The following CCDC150 variants were observed in gnomAD, a reference collection of about 807,000 sequenced individuals.
The protein encoded by CCDC150 is coiled-coil domain containing 150.
In CCDC150, 151 loss-of-function variants were observed where a neutral mutation model predicts 156.5. The ratio of observed to expected loss-of-function variants is 0.97; its 90% CI spans 0.85 to 1.10. The LOEUF (loss-of-function observed/expected upper bound fraction) is 1.10, where lower values mean the gene tolerates loss of function less well. Ranked by LOEUF, CCDC150 falls within the 50% of genes least tolerant of loss-of-function variation. The probability of loss-of-function intolerance (pLI) is 0.00; values close to 1 mark genes in which losing one functional copy is unlikely to be tolerated. For missense variants in CCDC150, 1,312 were observed against 1,268.1 expected, an observed-to-expected ratio of 1.03 and a Z score of -0.53; for synonymous variants, 452 against 429.4, an observed-to-expected ratio of 1.05 and a Z score of -0.65.
rs900893560 is a variant in CCDC150, at chr2:196,672,436, A to G, written c.1028A>G (p.Gln343Arg). The part of the protein sequence containing the change: ...MSLHEASEKA[Q>R]VLNDQLTKKC... Reference sequence around the variant, plus strand: ...CTTCATGAAGCATCAGAAAAAGCACAAGTAAATGCTCATGATTTTGTTAGT... The same window carrying G: ...CTTCATGAAGCATCAGAAAAAGCACGAGTAAATGCTCATGATTTTGTTAGT... The change falls in exon 9 of 28, where the codon CAA becomes CGA. Residue 343 changes from glutamine (Q) to arginine (R), a missense_variant and splice_region_variant. Coordinates refer to ENST00000389175, the MANE Select transcript of CCDC150 (RefSeq NM_001080539.2). 1 of 1,463,908 alleles carries G rather than the reference A, an allele frequency of 6.8e-7. No homozygotes were observed. Among genetic ancestry groups the G allele is most frequent in the East Asian group, 2.6e-5 (1 of 38,906 alleles). The allele number at this position is 1,463,908 out of a possible 1,614,324, so 90.7% of individuals were successfully genotyped here.
At chr2:196,640,660 G>T (rs144833778) in intron 1 of CCDC150, among the ~76,000 whole-genome samples, 1 of 152,216 alleles carries the variant, frequency 6.6e-6, no homozygotes, top group Non-Finnish European at 1.5e-5. Context: ...CAAAAACCCT[G>T]TAGTAATCTT....
chr2:196,722,889 A>C (rs577204703), intron 21 of CCDC150, among the ~76,000 whole-genome samples: 21 of 152,310 alleles, frequency 1.4e-4, no homozygotes, highest in African/African-American at 5.1e-4. Flanking sequence ...GGAAAAAAAA[A>C]ATGATTAGGT....
intron 13 of CCDC150, among the ~76,000 whole-genome samples, chr2:196,689,745 C>G (rs931959984): frequency 6.6e-6 from 1 of 152,152 alleles, no homozygotes; most frequent in South Asian, 2.1e-4. Flanking sequence ...ATTTCCTTCT[C>G]CTGCCTAATT....
chr2:196,658,799 C>A lies in CCDC150; in HGVS notation c.584C>A (p.Ala195Glu). ...TTCTCCTTCTACTTTTAGAAGAATG[C>A]AGCCATTATTGAAGAGGAACTGAAG... Reference protein sequence around the residue: ...LKIASQTKKNAAIIEEELKTT... With the variant: ...LKIASQTKKNEAIIEEELKTT... The change falls in exon 5 of 28, where the codon GCA becomes GAA. Residue 195 changes from alanine (A) to glutamate (E), a missense_variant. Coordinates refer to ENST00000389175, the MANE Select transcript of CCDC150 (RefSeq NM_001080539.2). 6.3e-7 allele frequency: 1 copy of A among 1,599,802 alleles called. No individual in the cohort carries two copies. Among genetic ancestry groups the A allele is most frequent in the South Asian group, 1.1e-5 (1 of 88,538 alleles).
In CCDC150 at chr2:196,656,725, C is replaced by T; in HGVS notation, c.269C>T (p.Thr90Ile). The stretch of plus-strand genomic sequence containing the variant: ...AATGAAGCAATTTGTGCAGGAAAAA[C>T]AGATATTTTATGGAAGAACTGTGAG... ...IQNEAICAGK[T>I]DILWKNCEFL... Residue 90 changes from threonine (T) to isoleucine (I), a missense_variant, in exon 3 of 28, where the codon ACA becomes ATA. Physicochemically the swap from Thr to Ile is moderately conservative, Grantham distance 89. Coordinates refer to ENST00000389175, the MANE Select transcript of CCDC150 (RefSeq NM_001080539.2). 3.1e-6 allele frequency: 5 copies of T among 1,613,788 alleles called. No homozygotes were observed. The highest frequency in any genetic ancestry group is 4.2e-6 in the Non-Finnish European group (5 of 1,179,758).
intron 11 of CCDC150, 25 bp downstream of exon 11, chr2:196,676,292 T>C (rs750027943): frequency 5.6e-6 from 9 of 1,611,302 alleles, no homozygotes; most frequent in Non-Finnish European, 1.7e-6. Context: ...GGCAACTTCT[T>C]ATACATCTTT....
intron 18 of CCDC150, 76 bp from the exon 19 acceptor site, chr2:196,719,420 TG>T: frequency 8.3e-7 from 1 of 1,209,102 alleles, no homozygotes; most frequent in Non-Finnish European, 1.1e-6. Context: ...TGCTCTTTCC[TG>T]GGAGTAATGA....
intron 23 of CCDC150, 36 bp downstream of exon 23, chr2:196,729,423 C>G (rs114568433): frequency 1.8e-5 from 29 of 1,587,740 alleles, no homozygotes; most frequent in South Asian, 3.3e-5. Context: ...TCCTGGATAC[C>G]CTGTGAGGAT....
rs1243299955 is a variant in CCDC150 at position 196,702,373 on chromosome 2, G to GTGTGTGTT, written c.1695+1197_1695+1198insTGTTTGTG. Among the ~76,000 whole-genome samples, 3 of 151,800 alleles carry GTGTGTGTT rather than the reference G, an allele frequency of 2.0e-5. No homozygotes were observed. The East Asian group carries it at 5.8e-4, about 29-fold the overall frequency. ...TGTGTGTGTGTGTGTGTGTGTGTGTGTGTGAGATGAGGTCTCACTCTCTCA... is the reference window on the plus strand; with the variant it reads ...TGTGTGTGTGTGTGTGTGTGTGTGTGTGTGTGTTTGTGAGATGAGGTCTCACTCTCTCA... On this transcript the variant is annotated intron_variant, in intron 15 of 27. Coordinates refer to ENST00000389175, the MANE Select transcript of CCDC150 (RefSeq NM_001080539.2).
rs748464723 is a variant in CCDC150, at chr2:196,732,122, G to C, written c.3159G>C (p.Arg1053Ser). 15 of 1,613,868 alleles carry C rather than the reference G, an allele frequency of 9.3e-6. No individual in the cohort carries two copies. The highest frequency in any genetic ancestry group is 1.3e-5 in the Non-Finnish European group (15 of 1,179,818). The change falls in exon 27 of 28, where the codon AGG (arginine) becomes AGC (serine). Residue 1053 changes from arginine (R) to serine (S), a missense_variant. Transcript: ENST00000389175. ...AGCTGACAAAAAACCGGTTGCAGAG[G>C]CCTTCTGGGGAAGACAGGTGGCAGG... is the stretch of plus-strand genomic sequence containing the variant. ...QLELTKNRLQ[R>S]PSGEDRWQEK... is the part of the protein sequence containing the mutation.
chr2:196,664,541 C>T (rs553941401), intron 5 of CCDC150, among the ~76,000 whole-genome samples: 1 of 152,336 alleles, frequency 6.6e-6, no homozygotes, highest in African/African-American at 2.4e-5. Context: ...CTTCCAAGCA[C>T]CTCCATGTGT....
chr2:196,657,721 C>T (rs1220489090), intron 4 of CCDC150, among the ~76,000 whole-genome samples: 1 of 152,138 alleles, frequency 6.6e-6, no homozygotes, highest in Non-Finnish European at 1.5e-5. Context: ...GTTCTCCCTT[C>T]ATGTCTAGGC....
Position 196,672,433 on chromosome 2 carries a change from C to T in CCDC150, c.1025C>T (p.Ala342Val). 1 of 1,484,876 alleles carries T rather than the reference C, an allele frequency of 6.7e-7. No individual in the cohort carries two copies. The allele number at this position is 1,484,876 out of a possible 1,614,324, so 92.0% of individuals were successfully genotyped here. A position where few individuals can be genotyped will look rare whatever the true frequency, so the allele number is the denominator to read the frequency against. The change falls in exon 9 of 28, where the codon GCA becomes GTA. Residue 342 changes from alanine to valine, a missense_variant. Ala to Val is a moderately conservative substitution (Grantham distance 64, BLOSUM62 0). Coordinates refer to ENST00000389175, the MANE Select transcript of CCDC150 (RefSeq NM_001080539.2). Reference protein sequence around the residue: ...IMSLHEASEKAQVLNDQLTKK... With the variant: ...IMSLHEASEKVQVLNDQLTKK... ...TCTCTTCATGAAGCATCAGAAAAAG[C>T]ACAAGTAAATGCTCATGATTTTGTT...
chr2:196,706,078 TC>T (rs1696610770), intron 15 of CCDC150, among the ~76,000 whole-genome samples: 3 of 152,112 alleles, frequency 2.0e-5, no homozygotes, highest in African/African-American at 7.2e-5. Flanking sequence ...GTGAAGAAAG[TC>T]ATTGGTAGCT....
intron 19 of CCDC150, 93 bp downstream of exon 19, chr2:196,719,759 C>G (rs760695125): frequency 9.1e-5 from 77 of 848,652 alleles, no homozygotes; most frequent in Non-Finnish European, 1.1e-4. Flanking sequence ...TATGTAGCTT[C>G]CTTTACAAAA....
At chr2:196,647,386 T>C (rs576407433) in intron 2 of CCDC150, among the ~76,000 whole-genome samples, 2 of 152,246 alleles carry the variant, frequency 1.3e-5, no homozygotes, top group East Asian at 1.9e-4. Flanking sequence ...TGCATGTATA[T>C]ATTATGTACC....
intron 15 of CCDC150, among the ~76,000 whole-genome samples, chr2:196,704,633 G>A (rs1696471945): frequency 6.6e-6 from 1 of 152,066 alleles, no homozygotes. Context: ...CATGTGCCAT[G>A]TTGGTTTGCT....
At chr2:196,695,241 G>C in intron 14 of CCDC150, 82 bp downstream of exon 14, 1 of 651,672 alleles carries the variant, frequency 1.5e-6, no homozygotes, top group Non-Finnish European at 2.7e-6. Context: ...CAGGAGATGG[G>C]TTTTCTTTGT....
intron 15 of CCDC150, among the ~76,000 whole-genome samples, chr2:196,710,809 G>A (rs1306128744): frequency 6.6e-6 from 1 of 151,910 alleles, no homozygotes; most frequent in Admixed American, 6.6e-5. Context: ...GTTAACTGTA[G>A]GATAGAAGGA....
Sources: gnomAD v4.1 joint callset for allele counts (sites outside exome capture counted in the v4.1 genomes callset) on GRCh38, gnomAD v4.1.1 for gene constraint, MANE v1.5 for transcripts, NCBI Gene and HGNC (gene_info 2026-07-23, HGNC 2026-07-21) for gene names.